ZNF878: variants seen among roughly 807,000 people sequenced by gnomAD.
ZNF878 encodes zinc finger protein 878.
Under a neutral mutation model 11.1 loss-of-function variants are expected in ZNF878, and 10 were observed. That is an observed-to-expected ratio of 0.90 (90% CI 0.56 to 1.53). The LOEUF (loss-of-function observed/expected upper bound fraction) is 1.53, where lower values mean the gene tolerates loss of function less well. ZNF878 is among the 40% of genes most tolerant of loss of function. The probability of loss-of-function intolerance (pLI) is 0.00; values close to 1 mark genes in which losing one functional copy is unlikely to be tolerated. For missense variants in ZNF878, 548 were observed against 626.1 expected, an observed-to-expected ratio of 0.88 and a Z score of 1.33; for synonymous variants, 165 against 209.7, an observed-to-expected ratio of 0.79 and a Z score of 1.84.
rs748999803 is a variant in ZNF878 at position 12,044,707 on chromosome 19, A to G, written c.694T>C (p.Cys232Arg). Residue 232 changes from cysteine (C) to arginine (R), a missense_variant, in exon 4 of 4, where the codon TGT becomes CGT. Cys to Arg is a radical substitution (Grantham distance 180, BLOSUM62 -3). Around this residue, in one of 3 missense-constraint regions of ZNF878, gnomAD observed 335 missense variants for 358.2 expected, o/e 0.94. Coordinates refer to ENST00000547628, the MANE Select transcript of ZNF878 (RefSeq NM_001080404.3). ...CTGGGAGAAAAAAAGGCTTTCCCAC[A>G]TATGTTACATTTATGAGGTCTCTCT... ...TGERPHKCNI[C>R]GKAFFSPSSL... The G allele has an allele frequency of 4.3e-6, 7 of 1,613,954 alleles. No homozygotes were observed. Among genetic ancestry groups the G allele is most frequent in the Admixed American group, 1.7e-5 (1 of 59,990 alleles).
rs1219744486 is a variant in ZNF878 at position 12,046,389 on chromosome 19, T to C, written c.170A>G (p.Gln57Arg). ...WNNQYIEDEH[Q>R]NPRRNLRRLI... ...TTACCTTAGGTTTCTCCTAGGATTT[T>C]GGTGCTCATCTTCAATGTACTGGTT... The change falls in exon 3 of 4, where the codon CAA becomes CGA. Residue 57 changes from glutamine to arginine, a missense_variant. Coordinates refer to ENST00000547628, the MANE Select transcript of ZNF878 (RefSeq NM_001080404.3). 4 of 1,577,164 alleles carry C rather than the reference T, an allele frequency of 2.5e-6. No homozygotes were observed. The highest frequency in any genetic ancestry group is 3.4e-6 in the Non-Finnish European group (4 of 1,160,242).
intron 1 of ZNF878, among the ~76,000 whole-genome samples, chr19:12,051,956 G>A (rs1241536987): frequency 6.6e-6 from 1 of 152,122 alleles, no homozygotes; most frequent in African/African-American, 2.4e-5. Flanking sequence ...TGGGGAAGGG[G>A]GCGGGGACTG....
intron 1 of ZNF878, among the ~76,000 whole-genome samples, chr19:12,052,248 C>A (rs972891041): frequency 2.6e-5 from 4 of 152,174 alleles, no homozygotes; most frequent in Non-Finnish European, 5.9e-5. Flanking sequence ...GGTTGTGTTT[C>A]CCTCAGCCGA....
intron 1 of ZNF878, among the ~76,000 whole-genome samples, chr19:12,050,986 C>T (rs2145528085): frequency 6.7e-6 from 1 of 148,994 alleles, no homozygotes; most frequent in South Asian, 2.1e-4. Flanking sequence ...GTCCCAGCTA[C>T]TTGGGAGGCT....
chr19:12,051,550 G>A (rs1441098377), intron 1 of ZNF878, among the ~76,000 whole-genome samples: 1 of 151,814 alleles, frequency 6.6e-6, no homozygotes, highest in Non-Finnish European at 1.5e-5. Context: ...GAGGAGGGTG[G>A]ATCACGAGGT....
chr19:12,046,820 A>G, intron 1 of ZNF878, 60 bp from the exon 2 acceptor site: 1 of 1,599,428 alleles, frequency 6.3e-7, no homozygotes, highest in East Asian at 2.2e-5. Flanking sequence ...GGGTTTCTAT[A>G]CCCTATTCCT....
chr19:12,048,856 A>T (rs1488503123), intron 1 of ZNF878, among the ~76,000 whole-genome samples: 1 of 151,184 alleles, frequency 6.6e-6, no homozygotes, highest in Non-Finnish European at 1.5e-5. Flanking sequence ...AAGAAAAGAA[A>T]AAGAAAAGAA....
rs936916111 is a variant in ZNF878, at chr19:12,052,886, GC to G, written c.-86del. The G allele has an allele frequency of 3.3e-6, 5 of 1,519,846 alleles. No individual in the cohort carries two copies. In the African/African-American group the frequency reaches 6.9e-5, roughly 21 times the overall value. 94.1% of individuals were successfully genotyped at this position (1,519,846 alleles called of 1,614,324 possible). A position where few individuals can be genotyped will look rare whatever the true frequency, so the allele number is the denominator to read the frequency against. ...CAGCGCAGTCGACAGAGCAACAGCA[GC>G]TACGGCGGAAGTAACTGGTCCCTCT... On this transcript the variant is annotated 5_prime_UTR_variant, in exon 1 of 4. Coordinates refer to ENST00000547628, the MANE Select transcript of ZNF878 (RefSeq NM_001080404.3).
At chr19:12,051,523 C>T (rs1033012845) in intron 1 of ZNF878, among the ~76,000 whole-genome samples, 6 of 151,904 alleles carry the variant, frequency 3.9e-5, no homozygotes, top group Admixed American at 1.3e-4. Context: ...ACTGTAATCC[C>T]AGCACTTTGG....
rs1332580633 is a variant in ZNF878 at position 12,044,189 on chromosome 19, G to C, written c.1212C>G (p.Phe404Leu). The change falls in exon 4 of 4, where the codon TTC becomes TTG. Residue 404 changes from phenylalanine (F) to leucine (L), a missense_variant. Coordinates refer to ENST00000547628, the MANE Select transcript of ZNF878 (RefSeq NM_001080404.3). ...PYECKQCGKA[F>L]RSASVLQKHI... is the part of the protein sequence containing the mutation. ...GCTTTTGAAGGACTGAGGCAGATCT[G>C]AAGGCTTTCCCACATTGCTTACACT... 3 of 1,612,602 alleles carry C rather than the reference G, an allele frequency of 1.9e-6. No individual in the cohort carries two copies. In the African/African-American group the frequency reaches 4.0e-5, roughly 22 times the overall value.
intron 2 of ZNF878, 78 bp downstream of exon 2, chr19:12,046,556 C>T: frequency 6.3e-7 from 1 of 1,598,216 alleles, no homozygotes; most frequent in South Asian, 1.1e-5. Context: ...GACCATATTC[C>T]AAATCACTCA....
chr19:12,048,343 C>T (rs781338233), intron 1 of ZNF878, among the ~76,000 whole-genome samples: 1 of 150,412 alleles, frequency 6.6e-6, no homozygotes, highest in Non-Finnish European at 1.5e-5. Context: ...ACCGTGAAAC[C>T]GCATCTCTAC....
chr19:12,052,502 C>T (rs1975561255), intron 1 of ZNF878, among the ~76,000 whole-genome samples: 1 of 152,238 alleles, frequency 6.6e-6, no homozygotes, highest in African/African-American at 2.4e-5. Flanking sequence ...CATGACCCTT[C>T]CATGGTCACC....
Position 12,044,322 on chromosome 19 carries a change from G to C in ZNF878, c.1079C>G (p.Thr360Arg). The C allele has an allele frequency of 6.2e-7, 1 of 1,612,144 alleles. No homozygotes were observed. Among genetic ancestry groups the C allele is most frequent in the Non-Finnish European group, 8.5e-7 (1 of 1,178,932 alleles). The change falls in exon 4 of 4, where the codon ACA becomes AGA. Residue 360 changes from threonine to arginine, a missense_variant. Thr to Arg is a moderately conservative substitution (Grantham distance 71). Coordinates refer to ENST00000547628, the MANE Select transcript of ZNF878 (RefSeq NM_001080404.3). Reference sequence around the variant, plus strand: ...TTCAAAGGGTTTCTCTCCAGTGTGTGTCCTTTCATGTATTCGAAGATCCTT... The same window carrying C: ...TTCAAAGGGTTTCTCTCCAGTGTGTCTCCTTTCATGTATTCGAAGATCCTT... The part of the protein sequence containing the change: ...FVKDLRIHER[T>R]HTGEKPFECK...
rs779537829 is a variant in ZNF878 at position 12,045,143 on chromosome 19, C to T, written c.258G>A (p.Gln86=). 1.2e-6 allele frequency: 2 copies of T among 1,612,944 alleles called. No homozygotes were observed. Among genetic ancestry groups the T allele is most frequent in the Admixed American group, 3.3e-5 (2 of 59,744 alleles). The change falls in exon 4 of 4, where the codon CAG becomes CAA. Residue 86 remains glutamine (Q), a synonymous_variant. Transcript: ENST00000547628. The part of the protein sequence containing the change: ...ESHQHGEVLT[Q]VPDDTLKKKT... ...TCTTCTTCAGTGTGTCATCTGGAAC[C>T]TGTGTCAAAACTTCTCCATGCTGAT...
At chr19:12,046,094 G>T (rs926535871) in intron 3 of ZNF878, 1 of 389,162 alleles carries the variant, frequency 2.6e-6, no homozygotes, top group South Asian at 7.4e-5. Context: ...TTGAGTCAGG[G>T]TCTCACCCTG....
chr19:12,044,152 G>C lies in ZNF878; in HGVS notation c.1249C>G (p.His417Asp). 6.2e-7 allele frequency: 1 copy of C among 1,613,846 alleles called. No individual in the cohort carries two copies. The highest frequency in any genetic ancestry group is 8.5e-7 in the Non-Finnish European group (1 of 1,179,980). ...ASVLQKHIRT[H>D]TGEKPYGCKQ... ...CATCCATAGGGTTTCTCTCCTGTGT[G>C]AGTTCGTATGTGCTTTTGAAGGACT... Residue 417 changes from histidine (H) to aspartate (D), a missense_variant, in exon 4 of 4, where the codon CAC becomes GAC. His to Asp is a moderately conservative substitution (Grantham distance 81, BLOSUM62 -1). Transcript: ENST00000547628.
chr19:12,045,022 A>C lies in ZNF878; in HGVS notation c.379T>G (p.Ser127Ala), dbSNP rs1458777976. ...LNRHLRAFSY[S>A]SSLAIHGRTH... ...CTTCCATGTATTGCAAGGCTACTGGAATAACTAAAGGCTCTGAGGTGCCTA... is the reference window on the plus strand; with the variant it reads ...CTTCCATGTATTGCAAGGCTACTGGCATAACTAAAGGCTCTGAGGTGCCTA... Residue 127 changes from serine (S) to alanine (A), a missense_variant, in exon 4 of 4, where the codon TCC becomes GCC. Physicochemically the swap from Ser to Ala is moderately conservative, Grantham distance 99. Around this residue, in one of 3 missense-constraint regions of ZNF878, gnomAD observed 160 missense variants for 173.3 expected, o/e 0.92. Transcript: ENST00000547628. The C allele has an allele frequency of 6.2e-7, 1 of 1,613,980 alleles. No individual in the cohort carries two copies. Among genetic ancestry groups the C allele is most frequent in the East Asian group, 2.2e-5 (1 of 44,880 alleles).
At chr19:12,049,139 C>CAA (rs1291167469) in intron 1 of ZNF878, among the ~76,000 whole-genome samples, 59 of 68,536 alleles carry the variant, frequency 8.6e-4, no homozygotes, top group African/African-American at 2.8e-3. Flanking sequence ...AGCTCCGTCT[C>CAA]AAAAAAAAAA....
Sources: gnomAD v4.1 joint callset for allele counts (sites outside exome capture counted in the v4.1 genomes callset) on GRCh38, gnomAD v4.1.1 for gene constraint, gnomAD v4.1.1 regional missense constraint, MANE v1.5 for transcripts, NCBI Gene and HGNC (gene_info 2026-07-23, HGNC 2026-07-21) for gene names.